The following STARD13 variants were observed in gnomAD, a reference collection of about 807,000 sequenced individuals.
The protein encoded by STARD13 is stAR-related lipid transfer protein 13.
A neutral mutation model predicts 106.4 loss-of-function variants in STARD13; 62 were observed. That is an observed-to-expected ratio of 0.58 (90% CI 0.48 to 0.72). The LOEUF (loss-of-function observed/expected upper bound fraction) is 0.72. Among genes scored for constraint, STARD13 ranks in the 30% least tolerant of loss-of-function variants. The pLI, the probability that STARD13 is intolerant of heterozygous loss-of-function variation, is 0.00. For synonymous variants in STARD13, 565 were observed against 553.0 expected, an observed-to-expected ratio of 1.02 and a Z score of -0.31; for missense variants, 1,387 against 1,424.0, an observed-to-expected ratio of 0.97 and a Z score of 0.42.
At chr13:33,121,991 A>G (rs1211675518) in intron 7 of STARD13, among the ~76,000 whole-genome samples, 2 of 152,006 alleles carry the variant, frequency 1.3e-5, no homozygotes, top group African/African-American at 2.4e-5. Context: ...GATTACAGGC[A>G]CCTGCCACCA....
At chr13:33,304,982 G>T (rs1035665299) in intron 1 of STARD13, among the ~76,000 whole-genome samples, 1 of 152,166 alleles carries the variant, frequency 6.6e-6, no homozygotes, top group African/African-American at 2.4e-5. Context: ...TAAGAGTGTT[G>T]AACACAACTG....
At chr13:33,146,411 G>T (rs1414571963) in intron 3 of STARD13, among the ~76,000 whole-genome samples, 3 of 152,268 alleles carry the variant, frequency 2.0e-5, no homozygotes, top group African/African-American at 7.2e-5. Flanking sequence ...TTGAGCCTGG[G>T]AGGTCAAGGC....
Position 33,129,574 on chromosome 13 carries a change from T to C in STARD13, c.1103A>G (p.Asp368Gly). 1 of 1,614,122 alleles carries C rather than the reference T, an allele frequency of 6.2e-7. No individual in the cohort carries two copies. The highest frequency in any genetic ancestry group is 8.5e-7 in the Non-Finnish European group (1 of 1,180,022). ...KRGGMYLEDLDVLAGTALPDA... is the reference protein window; with the variant it reads ...KRGGMYLEDLGVLAGTALPDA... Reference sequence around the variant, plus strand: ...CGGCAGTGCTGTCCCCGCCAGCACATCTAGGTCCTCCAAGTACATGCCCCC... The same window carrying C: ...CGGCAGTGCTGTCCCCGCCAGCACACCTAGGTCCTCCAAGTACATGCCCCC... The change falls in exon 5 of 14, where the codon GAT (aspartate) becomes GGT (glycine). Residue 368 changes from aspartate (D) to glycine (G), a missense_variant. Asp to Gly is a moderately conservative substitution (Grantham distance 94). Transcript: ENST00000336934.
chr13:33,445,907 A>T, the STARD13 span, among the ~76,000 whole-genome samples: 1 of 152,180 alleles, frequency 6.6e-6, no homozygotes, highest in Non-Finnish European at 1.5e-5. Flanking sequence ...ACCTCCCATT[A>T]GACACCCATC....
chr13:33,225,087 ATTTC>A (rs908155706), intron 1 of STARD13, among the ~76,000 whole-genome samples: 13 of 152,200 alleles, frequency 8.5e-5, no homozygotes, highest in African/African-American at 3.1e-4. Context: ...AAATAGATAT[ATTTC>A]TTTCTTTCTA....
intron 1 of STARD13, chr13:33,180,607 G>T (rs989732484): frequency 6.6e-6 from 1 of 152,162 alleles, no homozygotes; most frequent in Non-Finnish European, 1.5e-5. Context: ...GGAGTCCAAG[G>T]TCATTGATCT....
the STARD13 span, among the ~76,000 whole-genome samples, chr13:33,457,207 A>G: frequency 6.6e-6 from 1 of 152,256 alleles, no homozygotes; most frequent in African/African-American, 2.4e-5. Flanking sequence ...CTGAAGAAGC[A>G]ATCAACAATC....
intron 1 of STARD13, among the ~76,000 whole-genome samples, chr13:33,193,088 T>C (rs1239954841): frequency 2.0e-5 from 3 of 152,164 alleles, no homozygotes; most frequent in Admixed American, 6.6e-5. Context: ...TAAAACATCT[T>C]TTTAAAAGAA....
the STARD13 span, among the ~76,000 whole-genome samples, chr13:33,518,754 G>A: frequency 6.6e-6 from 1 of 152,096 alleles, no homozygotes; most frequent in African/African-American, 2.4e-5. Flanking sequence ...TCAAGACGCT[G>A]ATATTTATGG....
the STARD13 span, among the ~76,000 whole-genome samples, chr13:33,541,162 T>C: frequency 1.6e-4 from 25 of 151,722 alleles, no homozygotes; most frequent in South Asian, 2.5e-3. Flanking sequence ...TAGAGAAAGA[T>C]GGGAAAGTCG....
chr13:33,598,719 A>C, the STARD13 span, among the ~76,000 whole-genome samples: 2 of 152,258 alleles, frequency 1.3e-5, no homozygotes, highest in African/African-American at 4.8e-5. Flanking sequence ...ATATAATCTT[A>C]AACTAACTTC....
chr13:33,201,073 AAAT>A (rs577703271), intron 1 of STARD13, among the ~76,000 whole-genome samples: 132 of 150,680 alleles, frequency 8.8e-4, no homozygotes, highest in Middle Eastern at 3.4e-3. Flanking sequence ...ATAAAAATAA[AAAT>A]AAAAAAATAA....
At chr13:33,531,271 T>C in the STARD13 span, among the ~76,000 whole-genome samples, 1 of 152,220 alleles carries the variant, frequency 6.6e-6, no homozygotes, top group African/African-American at 2.4e-5. Flanking sequence ...CTTGGGTGTG[T>C]CTTTATCAGC....
the STARD13 span, among the ~76,000 whole-genome samples, chr13:33,412,387 G>C: frequency 6.6e-6 from 1 of 151,850 alleles, no homozygotes; most frequent in East Asian, 1.9e-4. Flanking sequence ...ATATTTTCAA[G>C]TAACACACAA....
chr13:33,516,729 C>A, the STARD13 span, among the ~76,000 whole-genome samples: 1 of 151,782 alleles, frequency 6.6e-6, no homozygotes, highest in African/African-American at 2.4e-5. Flanking sequence ...TTGAGATGTG[C>A]CATAAGTGTA....
At chr13:33,663,387 T>G in the STARD13 span, among the ~76,000 whole-genome samples, 14 of 152,200 alleles carry the variant, frequency 9.2e-5, no homozygotes, top group African/African-American at 2.9e-4. Flanking sequence ...ATAAAAATAC[T>G]GTAAGAAAAT....
In STARD13 at chr13:33,131,532, G is replaced by A. The variant is rs141767613; in HGVS notation, c.388-1243C>T. ...AGAGCCGGGCCTGCTACAGTGAGCC[G>A]TGATGGCACCACTGCACCCCAGCCG... On this transcript the variant is annotated intron_variant, in intron 4 of 13. Transcript: ENST00000336934. 3.3e-3 allele frequency among the ~76,000 whole-genome samples: 508 copies of A among 151,876 alleles called. 4 individuals are homozygous for A. The highest frequency in any genetic ancestry group is 0.012 in the African/African-American group (478 of 41,396).
chr13:33,525,645 T>C, the STARD13 span, among the ~76,000 whole-genome samples: 1 of 152,132 alleles, frequency 6.6e-6, no homozygotes. Context: ...GTCTTCCACA[T>C]CTCTCTATGT....
intron 1 of STARD13, among the ~76,000 whole-genome samples, chr13:33,297,554 TG>T (rs1892543274): frequency 6.6e-6 from 1 of 151,204 alleles, no homozygotes; most frequent in South Asian, 2.1e-4. Context: ...TGTGAAAAAA[TG>T]TAAGACCAAA....
Sources: allele counts gnomAD v4.1 joint callset (sites outside exome capture counted in the v4.1 genomes callset), GRCh38; gene constraint gnomAD v4.1.1; transcripts MANE v1.5; gene names NCBI Gene and HGNC (gene_info 2026-07-23, HGNC 2026-07-21).